NFAM1: variants seen among roughly 807,000 people sequenced by gnomAD.
NFAM1 encodes NFAT activation molecule 1.
NFAM1 carries 17 observed loss-of-function variants against 29.0 expected under a neutral mutation model. The ratio of observed to expected loss-of-function variants is 0.59; its 90% CI spans 0.40 to 0.88. NFAM1 has a LOEUF of 0.88. Ranked by LOEUF, NFAM1 falls within the 40% of genes least tolerant of loss-of-function variation. The probability of loss-of-function intolerance (pLI) is 0.00; values close to 1 mark genes in which losing one functional copy is unlikely to be tolerated. For synonymous variants in NFAM1, 175 were observed against 147.2 expected (o/e 1.19, Z -1.36); for missense variants, 324 against 344.6 (o/e 0.94, Z 0.47).
At chr22:42,433,091 G>A (rs1454996149), upstream of NFAM1, among the ~76,000 whole-genome samples, 1 of 152,202 alleles carries the variant, frequency 6.6e-6, no homozygotes, top group Non-Finnish European at 1.5e-5. Flanking sequence ...ATTGGCTGCA[G>A]GTCACAGCCC....
rs138369373 is a variant in NFAM1 at position 42,411,019 on chromosome 22, CTTTTT to C, written c.451+383_451+387del. ...AACCATTCTCTATTTCTTTTCTTTT[CTTTTT>C]TTTTTTTTTTTTTTTTTGAGATGGA... On this transcript the variant is annotated intron_variant, in intron 2 of 5. Coordinates refer to ENST00000329021, the MANE Select transcript of NFAM1 (RefSeq NM_145912.8). Among the ~76,000 whole-genome samples the C allele has an allele frequency of 2.3e-3, 276 of 121,748 alleles. 2 individuals carry two copies. Among genetic ancestry groups the C allele is most frequent in the Non-Finnish European group, 2.7e-3 (165 of 60,042 alleles). 79.9% of individuals were successfully genotyped at this position (121,748 alleles called of 152,430 possible).
At chr22:42,412,753 T>G (rs371482835) in intron 1 of NFAM1, among the ~76,000 whole-genome samples, 1 of 152,212 alleles carries the variant, frequency 6.6e-6, no homozygotes, top group East Asian at 1.9e-4. Context: ...TCCCGGACTC[T>G]GGGCTCGGAG....
chr22:42,405,141 G>A (rs1165700317), intron 3 of NFAM1, among the ~76,000 whole-genome samples: 2 of 152,266 alleles, frequency 1.3e-5, no homozygotes, highest in South Asian at 2.1e-4. Context: ...CAAGCCCAGG[G>A]CTCTGAGCTT....
intron 5 of NFAM1, 75 bp downstream of exon 5, chr22:42,386,914 G>T: frequency 1.3e-6 from 1 of 780,960 alleles, no homozygotes; most frequent in Non-Finnish European, 2.0e-6. Flanking sequence ...TGTCCCATTT[G>T]CCCCCCCACT....
intron 1 of NFAM1, among the ~76,000 whole-genome samples, chr22:42,430,849 G>A (rs1930773872): frequency 6.6e-6 from 1 of 152,124 alleles, no homozygotes; most frequent in Non-Finnish European, 1.5e-5. Context: ...GAAAGGATGG[G>A]AATTGGGGGG....
chr22:42,392,744 C>A (rs1423411242), intron 4 of NFAM1, among the ~76,000 whole-genome samples: 2 of 151,908 alleles, frequency 1.3e-5, no homozygotes, highest in African/African-American at 2.4e-5. Flanking sequence ...TTTGTCTGAC[C>A]CACCCCGAAT....
At chr22:42,433,545 C>T (rs1930870712), upstream of NFAM1, among the ~76,000 whole-genome samples, 1 of 152,300 alleles carries the variant, frequency 6.6e-6, no homozygotes, top group African/African-American at 2.4e-5. Flanking sequence ...CTGCAGCCCC[C>T]GGTGACGGCA....
At chr22:42,403,228 G>A (rs1035195143) in intron 3 of NFAM1, among the ~76,000 whole-genome samples, 1 of 152,176 alleles carries the variant, frequency 6.6e-6, no homozygotes, top group South Asian at 2.1e-4. Flanking sequence ...GCTCAAGCTC[G>A]CAGAGGTTGG....
intron 4 of NFAM1, among the ~76,000 whole-genome samples, chr22:42,397,028 G>C (rs1929552108): frequency 6.6e-6 from 1 of 150,404 alleles, no homozygotes; most frequent in Non-Finnish European, 1.5e-5. Context: ...GAGCCCACCT[G>C]GCGGTGCCAG....
intron 1 of NFAM1, among the ~76,000 whole-genome samples, chr22:42,413,110 CCTT>C (rs1930148284): frequency 1.3e-5 from 2 of 152,238 alleles, no homozygotes; most frequent in Admixed American, 1.3e-4. Context: ...CCAGGCCCCT[CCTT>C]CTCCAGCAGC....
rs1281752099 is a variant in NFAM1, at chr22:42,419,630, G to A, written c.122-7894C>T. Among the ~76,000 whole-genome samples the A allele has an allele frequency of 1.3e-5, 2 of 152,036 alleles. No homozygotes were observed. The highest frequency in any genetic ancestry group is 4.8e-5 in the African/African-American group (2 of 41,408). ...CTCAGCTGCTCTCTGGCCCTCACTC[G>A]CCCACTCCTGCGTAGACGTCAGCCT... On this transcript the variant is annotated intron_variant, in intron 1 of 5. Transcript: ENST00000329021. The surrounding 1 kb of genome is among the most constrained non-coding windows in gnomAD (Gnocchi z 4.5).
At position 42,397,896 on chromosome 22, in the gene NFAM1, T is replaced by G. The variant is rs1179684840; in HGVS notation, c.625A>C (p.Ser209Arg). ...TRKCPDPRSA[S>R]SPKQHPSESV... The stretch of plus-strand genomic sequence containing the variant: ...TCTGAAGGATGCTGCTTGGGGCTGC[T>G]GGCAGATCTTGGATCTGGGCACTTC... Residue 209 changes from serine to arginine, a missense_variant, in exon 4 of 6, where the codon AGC (serine) becomes CGC (arginine). Transcript: ENST00000329021. The G allele has an allele frequency of 6.2e-7, 1 of 1,613,200 alleles. No homozygotes were observed. The highest frequency in any genetic ancestry group is 8.5e-7 in the Non-Finnish European group (1 of 1,179,424).
At chr22:42,422,696 C>T (rs1209734629) in intron 1 of NFAM1, among the ~76,000 whole-genome samples, 2 of 152,136 alleles carry the variant, frequency 1.3e-5, no homozygotes, top group Non-Finnish European at 2.9e-5. Context: ...GGGACTCAGC[C>T]TCTCCTTTTA....
intron 2 of NFAM1, chr22:42,410,153 C>T (rs1268337945): frequency 1.2e-5 from 2 of 171,618 alleles, no homozygotes; most frequent in Non-Finnish European, 2.5e-5. Flanking sequence ...CCATCTCCTT[C>T]AACCTCATCC....
At chr22:42,434,669 A>G (rs1402617645), upstream of NFAM1, among the ~76,000 whole-genome samples, 4 of 152,166 alleles carry the variant, frequency 2.6e-5, no homozygotes, top group Admixed American at 2.0e-4. Context: ...AGCACCTCTC[A>G]TGTGCTTCCT....
At chr22:42,414,053 C>CA (rs527811085) in intron 1 of NFAM1, among the ~76,000 whole-genome samples, 196 of 151,276 alleles carry the variant, frequency 1.3e-3, no homozygotes, top group Middle Eastern at 0.01. Context: ...GACTTCGTCT[C>CA]AAAAAAAACA....
chr22:42,418,657 C>T (rs1930338174), intron 1 of NFAM1, among the ~76,000 whole-genome samples: 1 of 151,460 alleles, frequency 6.6e-6, no homozygotes, highest in Admixed American at 6.6e-5. Flanking sequence ...CGCACTGCTA[C>T]ACTCCAGCCT....
chr22:42,413,573 C>T lies in NFAM1; in HGVS notation c.122-1837G>A, dbSNP rs576441030. ...GGTGGATTGCTTGAGGCCTGGAGTTCGAGACCAGCCTGGCTAACATGGTGA... is the reference window on the plus strand; with the variant it reads ...GGTGGATTGCTTGAGGCCTGGAGTTTGAGACCAGCCTGGCTAACATGGTGA... On this transcript the variant is annotated intron_variant, in intron 1 of 5. Coordinates refer to ENST00000329021, the MANE Select transcript of NFAM1 (RefSeq NM_145912.8). Among the ~76,000 whole-genome samples the T allele has an allele frequency of 8.2e-4, 125 of 151,622 alleles. 1 individual carries two copies. The highest frequency in any genetic ancestry group is 6.8e-3 in the Middle Eastern group (2 of 294).
chr22:42,386,890 G>C (rs1929163821), intron 5 of NFAM1, 99 bp downstream of exon 5: 1 of 644,414 alleles, frequency 1.6e-6, no homozygotes, highest in Admixed American at 3.0e-5. Flanking sequence ...TCCACAGCAG[G>C]TGGCTCACTT....
Sources: gnomAD v4.1 joint callset for allele counts (sites outside exome capture counted in the v4.1 genomes callset) on GRCh38, gnomAD v4.1.1 for gene constraint, Gnocchi (gnomAD v3.1) non-coding constraint, MANE v1.5 for transcripts, NCBI Gene and HGNC (gene_info 2026-07-23, HGNC 2026-07-21) for gene names.